Variants in METTL8 observed in about 807,000 individuals in gnomAD.
The protein encoded by METTL8 is tRNA N(3)-cytidine methyltransferase METTL8, mitochondrial.
A neutral mutation model predicts 48.7 loss-of-function variants in METTL8; 32 were observed. The observed-to-expected ratio is 0.66, with a 90% CI of 0.50 to 0.88. The LOEUF is 0.88. Among genes scored for constraint, METTL8 ranks in the 40% least tolerant of loss-of-function variants. The pLI is 0.00. For missense variants in METTL8, 464 were observed against 474.4 expected (o/e 0.98, Z 0.20); for synonymous variants, 136 against 157.1 (o/e 0.87, Z 1.01).
intron 5 of METTL8, among the ~76,000 whole-genome samples, chr2:171,334,230 C>G (rs187267968): frequency 6.6e-6 from 1 of 152,282 alleles, no homozygotes; most frequent in African/African-American, 2.4e-5. Flanking sequence ...AGATATAGAA[C>G]AGTCTACGAG....
In METTL8 at chr2:171,331,804, C is replaced by A. The variant is rs752647081; in HGVS notation, c.720G>T (p.Lys240Asn). ...DFASGAVELV[K>N]SHSSYRATQC... is the part of the protein sequence containing the mutation. The stretch of plus-strand genomic sequence containing the variant: ...GGTATGATTCCCAGGAGTAGCATAC[C>A]TTTACGAGCTCCACAGCTCCAGAAG... Residue 240 changes from lysine (K) to asparagine (N), a missense_variant and splice_region_variant, in exon 6 of 10, where the codon AAG becomes AAT. Transcript: ENST00000375258. The A allele has an allele frequency of 6.2e-7, 1 of 1,602,154 alleles. No individual in the cohort carries two copies. The highest frequency in any genetic ancestry group is 8.5e-7 in the Non-Finnish European group (1 of 1,173,478).
rs145384546 is a variant in METTL8 at position 171,365,806 on chromosome 2, C to T, written c.144-5293G>A. Among the ~76,000 whole-genome samples the T allele has an allele frequency of 1.6e-4, 25 of 152,310 alleles. No individual in the cohort carries two copies. The South Asian group carries it at 3.5e-3, about 21-fold the overall frequency. On this transcript the variant is annotated intron_variant, in intron 2 of 9. Transcript: ENST00000375258. ...AAACTGGATAAAATATATAAAGCAA[C>T]TGCTTTTAAACACTGGACTACACTT...
intron 1 of METTL8, among the ~76,000 whole-genome samples, chr2:171,406,870 T>G (rs1222035664): frequency 6.6e-6 from 1 of 152,184 alleles, no homozygotes; most frequent in Admixed American, 6.5e-5. Flanking sequence ...TTCCTCTTTT[T>G]TTTTTTTCAG....
At chr2:171,370,705 GGCGTGAACCC>G (rs1185522197) in intron 2 of METTL8, among the ~76,000 whole-genome samples, 1 of 152,044 alleles carries the variant, frequency 6.6e-6, no homozygotes, top group African/African-American at 2.4e-5. Context: ...GCAGGAGAAT[GGCGTGAACCC>G]GGGAGGCGGA....
At position 171,431,557 on chromosome 2, in the gene METTL8, A is replaced by G. The variant is rs573232446; in HGVS notation, c.-13+2326T>C. On this transcript the variant is annotated intron_variant, in intron 1 of 9. Transcript: ENST00000375258. ...AAGAGCTGTTTTGTTGCTCAATAAA[A>G]CTCTTCTCTGTCCTCCTCACCCTCC... 1.6e-4 allele frequency among the ~76,000 whole-genome samples: 25 copies of G among 151,934 alleles called. No individual in the cohort carries two copies. The South Asian group carries it at 3.5e-3, about 22-fold the overall frequency.
chr2:171,376,114 G>A (rs1257564354), intron 2 of METTL8, among the ~76,000 whole-genome samples: 1 of 152,114 alleles, frequency 6.6e-6, no homozygotes, highest in Non-Finnish European at 1.5e-5. Flanking sequence ...AACTAACTGG[G>A]CATTTGACTG....
intron 1 of METTL8, among the ~76,000 whole-genome samples, chr2:171,424,364 G>A (rs981373168): frequency 1.3e-5 from 2 of 152,168 alleles, no homozygotes; most frequent in Non-Finnish European, 2.9e-5. Flanking sequence ...CTCCAGAACT[G>A]TAGATCCACT....
intron 1 of METTL8, among the ~76,000 whole-genome samples, chr2:171,416,774 G>A (rs1251367430): frequency 6.6e-6 from 1 of 152,180 alleles, no homozygotes; most frequent in Non-Finnish European, 1.5e-5. Context: ...GCTGAGGCTC[G>A]AGCACTTGGT....
chr2:171,395,897 T>C (rs1026071132), intron 1 of METTL8, among the ~76,000 whole-genome samples: 109 of 152,182 alleles, frequency 7.2e-4, no homozygotes, highest in African/African-American at 2.6e-3. Context: ...ATAGCAAGAA[T>C]ACACATTCTT....
At chr2:171,383,371 G>A (rs1415022366) in intron 2 of METTL8, among the ~76,000 whole-genome samples, 1 of 152,090 alleles carries the variant, frequency 6.6e-6, no homozygotes. Context: ...ATAAACCTTG[G>A]TGAGTCATGA....
At chr2:171,360,990 T>C (rs1198582279) in intron 2 of METTL8, among the ~76,000 whole-genome samples, 1 of 152,258 alleles carries the variant, frequency 6.6e-6, no homozygotes, top group African/African-American at 2.4e-5. Context: ...AAAGTAACTT[T>C]AGATTTATTT....
At chr2:171,430,410 T>G (rs547355941) in intron 1 of METTL8, among the ~76,000 whole-genome samples, 1 of 151,778 alleles carries the variant, frequency 6.6e-6, no homozygotes, top group East Asian at 1.9e-4. Context: ...AGGGGAGGGA[T>G]AGCATTAGGA....
intron 3 of METTL8, among the ~76,000 whole-genome samples, chr2:171,353,472 T>C (rs899565675): frequency 6.6e-6 from 1 of 152,254 alleles, no homozygotes; most frequent in Non-Finnish European, 1.5e-5. Context: ...GTTCTGTAGA[T>C]GTCTATTAGG....
intron 3 of METTL8, among the ~76,000 whole-genome samples, chr2:171,341,189 G>A (rs1023815398): frequency 1.3e-5 from 2 of 152,008 alleles, no homozygotes; most frequent in Admixed American, 6.6e-5. Context: ...TTAGCCAGGT[G>A]TGGTGGCAGG....
At chr2:171,362,006 T>C (rs897097504) in intron 2 of METTL8, among the ~76,000 whole-genome samples, 12 of 152,186 alleles carry the variant, frequency 7.9e-5, no homozygotes, top group Admixed American at 6.5e-4. Flanking sequence ...AGCAAATTCA[T>C]GTCACTCAGA....
At chr2:171,328,521 T>C (rs1261701017) in intron 7 of METTL8, among the ~76,000 whole-genome samples, 1 of 152,112 alleles carries the variant, frequency 6.6e-6, no homozygotes, top group Non-Finnish European at 1.5e-5. Context: ...AGTTTTTTCT[T>C]TTTTTGAGAC....
At chr2:171,422,280 C>T (rs568966622) in intron 1 of METTL8, among the ~76,000 whole-genome samples, 52 of 152,264 alleles carry the variant, frequency 3.4e-4, no homozygotes, top group Non-Finnish European at 5.3e-4. Context: ...AGTGATTATT[C>T]ATATACAAAA....
chr2:171,420,494 T>A (rs1691762006), intron 1 of METTL8, among the ~76,000 whole-genome samples: 2 of 152,186 alleles, frequency 1.3e-5, no homozygotes, highest in African/African-American at 4.8e-5. Flanking sequence ...TAGGTGAACT[T>A]TATACTCCAA....
At chr2:171,378,953 A>G (rs774905216) in intron 2 of METTL8, among the ~76,000 whole-genome samples, 42 of 152,226 alleles carry the variant, frequency 2.8e-4, no homozygotes, top group Admixed American at 1.2e-3. Flanking sequence ...AACAGATTAT[A>G]TATTCTTCTC....
Sources: gnomAD v4.1 joint callset for allele counts (sites outside exome capture counted in the v4.1 genomes callset) on GRCh38, gnomAD v4.1.1 for gene constraint, MANE v1.5 for transcripts, NCBI Gene and HGNC (gene_info 2026-07-23, HGNC 2026-07-21) for gene names.